Variants in UBE2G2 observed in about 807,000 individuals in gnomAD.
UBE2G2 encodes the protein ubiquitin-conjugating enzyme E2 G2.
UBE2G2 carries 10 observed loss-of-function variants against 23.0 expected under a neutral mutation model. The ratio of observed to expected loss-of-function variants is 0.43; its 90% CI spans 0.27 to 0.74. UBE2G2 has a LOEUF of 0.74. Among genes scored for constraint, UBE2G2 ranks in the 30% least tolerant of loss-of-function variants. UBE2G2 has a pLI of 0.19. For missense variants in UBE2G2, 150 were observed against 218.3 expected, an observed-to-expected ratio of 0.69 and a Z score of 1.97; for synonymous variants, 86 against 81.3, an observed-to-expected ratio of 1.06 and a Z score of -0.31.
Position 44,769,580 on chromosome 21 carries a change from C to A in UBE2G2, c.*1797G>T, listed in dbSNP as rs1301512348. 1 of 152,208 alleles carries A rather than the reference C, an allele frequency of 6.6e-6. No individual in the cohort carries two copies. The highest frequency in any genetic ancestry group is 2.4e-5 in the African/African-American group (1 of 41,412). 9.4% of individuals were successfully genotyped at this position (152,208 alleles called of 1,614,324 possible). On this transcript the variant is annotated 3_prime_UTR_variant, in exon 6 of 6. Transcript: ENST00000345496. The stretch of plus-strand genomic sequence containing the variant: ...TATTTTTAGTGGAGACAGGGTTTCA[C>A]TGTTAGCCAGGATGGTCGCGATCTC...
chr21:44,798,979 T>G (rs981277954), intron 1 of UBE2G2, among the ~76,000 whole-genome samples: 3 of 152,248 alleles, frequency 2.0e-5, no homozygotes, highest in Non-Finnish European at 2.9e-5. Context: ...AGAATTGGTG[T>G]TGTGTTAGCA....
At chr21:44,790,996 G>A (rs1249614105) in intron 1 of UBE2G2, among the ~76,000 whole-genome samples, 3 of 152,152 alleles carry the variant, frequency 2.0e-5, no homozygotes, top group Admixed American at 2.0e-4. Context: ...CCCAGGCTGA[G>A]GTGGTCTGAA....
Position 44,773,528 on chromosome 21 carries a change from C to T in UBE2G2, c.385+19G>A. ...CCTGGGTGTCCACGGCAGCTCCTGC[C>T]AGGAGGCTCGGGCCTTACCTGCCAG... On this transcript the variant is annotated intron_variant, in intron 5 of 5. Transcript: ENST00000345496. The T allele has an allele frequency of 6.2e-7, 1 of 1,603,352 alleles. No individual in the cohort carries two copies. The highest frequency in any genetic ancestry group is 8.5e-7 in the Non-Finnish European group (1 of 1,178,398).
At chr21:44,799,851 T>C (rs1377830903) in intron 1 of UBE2G2, 1 of 152,248 alleles carries the variant, frequency 6.6e-6, no homozygotes, top group Non-Finnish European at 1.5e-5. Flanking sequence ...CATTTCTAGC[T>C]TTTGATTTGA....
chr21:44,797,742 G>GAA (rs2083105173), intron 1 of UBE2G2, among the ~76,000 whole-genome samples: 7 of 89,758 alleles, frequency 7.8e-5, no homozygotes, highest in African/African-American at 1.3e-4. Context: ...AAAAAAAAAA[G>GAA]AGAAAATACC....
At chr21:44,792,677 C>T (rs1363281041) in intron 1 of UBE2G2, among the ~76,000 whole-genome samples, 2 of 152,134 alleles carry the variant, frequency 1.3e-5, no homozygotes, top group African/African-American at 4.8e-5. Context: ...ACTAATGTAC[C>T]GATTAACCGT....
intron 3 of UBE2G2, among the ~76,000 whole-genome samples, chr21:44,785,119 T>C (rs1343675926): frequency 6.6e-6 from 1 of 152,190 alleles, no homozygotes; most frequent in Non-Finnish European, 1.5e-5. Context: ...GTCTAGAAGA[T>C]GCTGATAAAC....
chr21:44,771,777 A>T lies in UBE2G2; in HGVS notation c.386-288T>A, dbSNP rs1601173437. ...GCGACAACCACCTAAGCACAGGCCC[A>T]CACGGCCTCCCACAGCAGCCTCCTG... On this transcript the variant is annotated intron_variant, in intron 5 of 5. Coordinates refer to ENST00000345496, the MANE Select transcript of UBE2G2 (RefSeq NM_003343.6). The surrounding 1 kb of genome is among the most constrained non-coding windows in gnomAD (Gnocchi z 4.6). Among the ~76,000 whole-genome samples, 1 of 152,326 alleles carries T rather than the reference A, an allele frequency of 6.6e-6. No individual in the cohort carries two copies. Among genetic ancestry groups the T allele is most frequent in the East Asian group, 1.9e-4 (1 of 5,174 alleles).
At chr21:44,795,492 C>T (rs574781702) in intron 1 of UBE2G2, among the ~76,000 whole-genome samples, 10 of 151,742 alleles carry the variant, frequency 6.6e-5, no homozygotes, top group African/African-American at 1.9e-4. Flanking sequence ...ATTAGCTAAG[C>T]GAGGTGGCAT....
chr21:44,778,268 G>A (rs2082928167), intron 3 of UBE2G2, among the ~76,000 whole-genome samples: 1 of 152,228 alleles, frequency 6.6e-6, no homozygotes. Flanking sequence ...TGTGATCACT[G>A]CTGCATGCTC....
Position 44,769,407 on chromosome 21 carries a change from G to C in UBE2G2, c.*1970C>G, listed in dbSNP as rs2082854303. The C allele has an allele frequency of 7.2e-6, 1 of 138,684 alleles. No individual in the cohort carries two copies. Among genetic ancestry groups the C allele is most frequent in the Non-Finnish European group, 1.5e-5 (1 of 65,992 alleles). The allele number at this position is 138,684 out of a possible 1,614,324, so 8.6% of individuals were successfully genotyped here. A position where few individuals can be genotyped will look rare whatever the true frequency, so the allele number is the denominator to read the frequency against. Reference sequence around the variant, plus strand: ...TTTTTTTTTTTTTTTTTGAGACAGAGTCTCACTCTGTTGCCCAGGCTGGAG... The same window carrying C: ...TTTTTTTTTTTTTTTTTGAGACAGACTCTCACTCTGTTGCCCAGGCTGGAG... On this transcript the variant is annotated 3_prime_UTR_variant, in exon 6 of 6. Coordinates refer to ENST00000345496, the MANE Select transcript of UBE2G2 (RefSeq NM_003343.6).
intron 3 of UBE2G2, among the ~76,000 whole-genome samples, chr21:44,787,498 C>A (rs2083005088): frequency 6.6e-6 from 1 of 152,200 alleles, no homozygotes; most frequent in Non-Finnish European, 1.5e-5. Context: ...GCAGGGCAGG[C>A]AAGGCTGCGC....
intron 3 of UBE2G2, among the ~76,000 whole-genome samples, chr21:44,781,795 T>C (rs1483483779): frequency 2.6e-5 from 4 of 152,188 alleles, no homozygotes; most frequent in African/African-American, 9.7e-5. Flanking sequence ...TGCTAAGAAC[T>C]GCTCGGAAGA....
intron 1 of UBE2G2, among the ~76,000 whole-genome samples, chr21:44,792,383 G>T (rs1192480997): frequency 1.3e-5 from 2 of 152,174 alleles, no homozygotes; most frequent in African/African-American, 4.8e-5. Context: ...TGTTGAGCGA[G>T]GAACCTGGTA....
At position 44,777,338 on chromosome 21, in the gene UBE2G2, G is replaced by C; in HGVS notation, c.205C>G (p.Pro69Ala). The C allele has an allele frequency of 6.2e-7, 1 of 1,613,988 alleles. No individual in the cohort carries two copies. The highest frequency in any genetic ancestry group is 8.5e-7 in the Non-Finnish European group (1 of 1,180,010). ...SFPLDYPLSP[P>A]KMRFTCEMFH... is the part of the protein sequence containing the mutation. ...ATCTCACAGGTAAATCTCATCTTTG[G>C]GGGACTTAACGGGTAATCAAGTGGG... Residue 69 changes from proline to alanine, a missense_variant, in exon 4 of 6, where the codon CCA (proline) becomes GCA (alanine). Transcript: ENST00000345496.
chr21:44,778,521 C>CTGT (rs2082930835), intron 3 of UBE2G2, among the ~76,000 whole-genome samples: 1 of 152,234 alleles, frequency 6.6e-6, no homozygotes, highest in Non-Finnish European at 1.5e-5. Flanking sequence ...TCTTGACCAA[C>CTGT]AGTTCAAGGC....
In UBE2G2 at chr21:44,768,846, A is replaced by T. The variant is rs1555959390; in HGVS notation, c.*2531T>A. The stretch of plus-strand genomic sequence containing the variant: ...TGAACACATCCGTCTCACAGACCCC[A>T]ACTAACCTGAGAATTCCAGAGGAAG... On this transcript the variant is annotated 3_prime_UTR_variant, in exon 6 of 6. Coordinates refer to ENST00000345496, the MANE Select transcript of UBE2G2 (RefSeq NM_003343.6). The T allele has an allele frequency of 6.6e-6, 1 of 152,190 alleles. No individual in the cohort carries two copies. The highest frequency in any genetic ancestry group is 1.5e-5 in the Non-Finnish European group (1 of 68,002). The allele number at this position is 152,190 out of a possible 1,614,324, so 9.4% of individuals were successfully genotyped here. A position where few individuals can be genotyped will look rare whatever the true frequency, so the allele number is the denominator to read the frequency against.
chr21:44,775,097 G>GTCT (rs1376876324), intron 4 of UBE2G2: 1 of 161,490 alleles, frequency 6.2e-6, no homozygotes, highest in Admixed American at 6.5e-5. Context: ...TTTCAATGGA[G>GTCT]TTCCGCCACT....
At chr21:44,795,606 C>T (rs2083081699) in intron 1 of UBE2G2, among the ~76,000 whole-genome samples, 1 of 149,732 alleles carries the variant, frequency 6.7e-6, no homozygotes, top group South Asian at 2.1e-4. Flanking sequence ...CACTCTAGCC[C>T]GAGTGACAGA....
Sources: allele counts gnomAD v4.1 joint callset (sites outside exome capture counted in the v4.1 genomes callset), GRCh38; gene constraint gnomAD v4.1.1; non-coding constraint Gnocchi (gnomAD v3.1); transcripts MANE v1.5; gene names NCBI Gene and HGNC (gene_info 2026-07-23, HGNC 2026-07-21).